NOC4L: variants seen among roughly 807,000 people sequenced by gnomAD.
NOC4L encodes nucleolar complex associated 4 homolog.
In NOC4L, 40 loss-of-function variants were observed where a neutral mutation model predicts 62.8. That is an observed-to-expected ratio of 0.64 (90% CI 0.49 to 0.83). The LOEUF is 0.83. NOC4L is among the 40% of genes least tolerant of loss of function. The pLI is 0.00. For synonymous variants in NOC4L, 433 were observed against 299.8 expected (o/e 1.44, Z -4.59); for missense variants, 927 against 701.9 (o/e 1.32, Z -3.62).
chr12:132,149,115 GGTGAGTGCCGCCGCCTCA>G, intron 9 of NOC4L, among the ~76,000 whole-genome samples: 5 of 39,298 alleles, frequency 1.3e-4, no homozygotes, highest in African/African-American at 3.6e-4. Flanking sequence ...TAATCCCCTC[GGTGAGTGCCGCCGCCTCA>G]CTCCTACCAC....
chr12:132,145,746 C>T (rs1039286518), intron 3 of NOC4L, 81 bp downstream of exon 3: 11 of 975,148 alleles, frequency 1.1e-5, no homozygotes, highest in Admixed American at 4.4e-5. Context: ...AGGTCTGGGG[C>T]TCCCACAATT....
At chr12:132,147,497 G>A in intron 4 of NOC4L, 109 bp downstream of exon 4, 1 of 1,454,304 alleles carries the variant, frequency 6.9e-7, no homozygotes, top group Non-Finnish European at 9.3e-7. Flanking sequence ...TGTTGGCTGG[G>A]ACACTCCTGT....
chr12:132,151,805 C>T lies in NOC4L; in HGVS notation c.1302C>T (p.Ser434=), dbSNP rs577089169. Residue 434 remains serine, a synonymous_variant, in exon 13 of 15, where the codon TCC becomes TCT. Coordinates refer to ENST00000330579, the MANE Select transcript of NOC4L (RefSeq NM_024078.3). ...DPAQSRALES[S]LWELQALQRH... is the part of the protein sequence containing the mutation. ...CCCAGAGCCGGGCCTTGGAGAGCTC[C>T]CTGTGGGAGCTTCAGGTGAGGGCGC... 11 of 1,611,796 alleles carry T rather than the reference C, an allele frequency of 6.8e-6. No individual in the cohort carries two copies. Among genetic ancestry groups the T allele is most frequent in the Admixed American group, 6.7e-5 (4 of 59,982 alleles).
intron 7 of NOC4L, 28 bp downstream of exon 7, chr12:132,148,134 C>T (rs941562566): frequency 5.6e-6 from 9 of 1,611,918 alleles, no homozygotes; most frequent in Admixed American, 1.7e-5. Flanking sequence ...AGCCGGGCAC[C>T]CTCCCGGGTT....
rs1269246891 is a variant in NOC4L at position 132,147,293 on chromosome 12, A to G, written c.358A>G (p.Ser120Gly). Residue 120 changes from serine to glycine, a missense_variant, in exon 4 of 15, where the codon AGC (serine) becomes GGC (glycine). By Grantham distance (56) the Ser-to-Gly change is moderately conservative. Transcript: ENST00000330579. ...PSFQVKELALSALLKFVQLEG... is the reference protein window; with the variant it reads ...PSFQVKELALGALLKFVQLEG... ...GCCCCCTTCCCAGGAGCTGGCCCTC[A>G]GCGCACTCCTGAAGTTCGTGCAGCT... The G allele has an allele frequency of 2.6e-6, 4 of 1,556,286 alleles. No individual in the cohort carries two copies. The highest frequency in any genetic ancestry group is 1.7e-4 in the Middle Eastern group (1 of 5,952).
rs772358688 is a variant in NOC4L at position 132,151,327 on chromosome 12, C to T, written c.1032C>T (p.Arg344=). 30 of 1,611,532 alleles carry T rather than the reference C, an allele frequency of 1.9e-5. No individual in the cohort carries two copies. The Middle Eastern group carries it at 9.9e-4, about 53-fold the overall frequency. The change falls in exon 11 of 15, where the codon CGC becomes CGT. Residue 344 remains arginine, a synonymous_variant. Transcript: ENST00000330579. ...CCTCTGTCTTTCACGTCAAGTACCG[C>T]GCCCGCTTCTTCCACCTGGCTGACC... ...LDPSVFHVKY[R]ARFFHLADLF...
intron 10 of NOC4L, 32 bp downstream of exon 10, chr12:132,151,073 C>A: frequency 6.3e-7 from 1 of 1,581,118 alleles, no homozygotes; most frequent in South Asian, 1.1e-5. Context: ...GGTCTTCTTC[C>A]CAGTCTGCCC....
At position 132,148,879 on chromosome 12, in the gene NOC4L, C is replaced by G. The variant is rs779685565; in HGVS notation, c.885C>G (p.Thr295=). The G allele has an allele frequency of 1.9e-6, 3 of 1,596,404 alleles. No homozygotes were observed. The highest frequency in any genetic ancestry group is 2.5e-6 in the Non-Finnish European group (3 of 1,177,520). The change falls in exon 9 of 15, where the codon ACC becomes ACG. Residue 295 remains threonine, a synonymous_variant. Transcript: ENST00000330579. Reference sequence around the variant, plus strand: ...CCACGCTCATGATCGACTTCCTCACCCGCGCCTGCGACCTCGGTGAGTGCC... The same window carrying G: ...CCACGCTCATGATCGACTTCCTCACGCGCGCCTGCGACCTCGGTGAGTGCC... ...AQPTLMIDFL[T]RACDLGGALS... is the part of the protein sequence containing the mutation.
At chr12:132,147,837 G>C in intron 5 of NOC4L, 43 bp from the exon 6 acceptor site, 1 of 1,610,212 alleles carries the variant, frequency 6.2e-7, no homozygotes, top group Non-Finnish European at 8.5e-7. Context: ...AGGGAGGCAG[G>C]GACTGGGGGG....
At position 132,145,658 on chromosome 12, in the gene NOC4L, A is replaced by G. The variant is rs1897688290; in HGVS notation, c.338A>G (p.Gln113Arg). Residue 113 changes from glutamine (Q) to arginine (R), a missense_variant, in exon 3 of 15, where the codon CAG (glutamine) becomes CGG (arginine). Physicochemically the swap from Gln to Arg is conservative, Grantham distance 43. Coordinates refer to ENST00000330579, the MANE Select transcript of NOC4L (RefSeq NM_024078.3). ...LGELLGHPSF[Q>R]VKELALSALL... ...GAGCTCCTGGGCCACCCCTCCTTTC[A>G]GGTCAAGGTGGGTCATTGGGCTGGC... is the stretch of plus-strand genomic sequence containing the variant. The G allele has an allele frequency of 6.2e-7, 1 of 1,611,204 alleles. No homozygotes were observed. The highest frequency in any genetic ancestry group is 8.5e-7 in the Non-Finnish European group (1 of 1,178,024).
At chr12:132,148,938 C>G (rs538624872) in intron 9 of NOC4L, 43 bp downstream of exon 9, 2 of 480,566 alleles carry the variant, frequency 4.2e-6, no homozygotes, top group Middle Eastern at 4.8e-4. Context: ...CTAATCCCCT[C>G]GGTGAGTGCC....
At position 132,151,760 on chromosome 12, in the gene NOC4L, C is replaced by T. The variant is rs746625024; in HGVS notation, c.1257C>T (p.Asp419=). The change falls in exon 13 of 15, where the codon GAC becomes GAT. Residue 419 remains aspartate, a synonymous_variant. Coordinates refer to ENST00000330579, the MANE Select transcript of NOC4L (RefSeq NM_024078.3). ...HGPELDADPY[D]PGEEDPAQSR... is the part of the protein sequence containing the mutation. ...TAGAGTTGGACGCCGACCCCTACGA[C>T]CCTGGAGAGGAGGACCCAGCCCAGA... 1.2e-6 allele frequency: 2 copies of T among 1,612,416 alleles called. No individual in the cohort carries two copies. The highest frequency in any genetic ancestry group is 1.7e-6 in the Non-Finnish European group (2 of 1,179,834).
chr12:132,148,381 C>T (rs983035506), intron 7 of NOC4L, among the ~76,000 whole-genome samples: 6 of 152,218 alleles, frequency 3.9e-5, no homozygotes, highest in Admixed American at 3.9e-4. Context: ...CGCAGCCCCC[C>T]TCTTGGCCAT....
intron 4 of NOC4L, 82 bp from the exon 5 acceptor site, chr12:132,147,551 C>T: frequency 6.5e-7 from 1 of 1,543,862 alleles, no homozygotes; most frequent in Non-Finnish European, 8.7e-7. Flanking sequence ...GCCTGGGGGG[C>T]TCGATGGGGC....
At chr12:132,145,700 C>T (rs747832749) in intron 3 of NOC4L, 35 bp downstream of exon 3, 4 of 1,429,938 alleles carry the variant, frequency 2.8e-6, no homozygotes, top group South Asian at 2.3e-5. Context: ...CTTGTCCATC[C>T]CCTGCACCCC....
chr12:132,151,965 C>A (rs1872998233), intron 13 of NOC4L, 119 bp from the exon 14 acceptor site: 3 of 1,241,138 alleles, frequency 2.4e-6, no homozygotes, highest in Non-Finnish European at 2.2e-6. Flanking sequence ...GGTGCTTGGC[C>A]TTCTCACGTG....
chr12:132,147,653 G>C lies in NOC4L; in HGVS notation c.474G>C (p.Leu158=), dbSNP rs568405731. The C allele has an allele frequency of 1.3e-4, 202 of 1,612,880 alleles. 2 individuals carry two copies. The South Asian group carries it at 1.9e-3, about 16-fold the overall frequency. Residue 158 remains leucine (L), a synonymous_variant, in exon 5 of 15, where the codon CTG becomes CTC. Coordinates refer to ENST00000330579, the MANE Select transcript of NOC4L (RefSeq NM_024078.3). ...CCTAGTTGGTGGTGGGAGGCCTGCT[G>C]TCTCCTGAGGAGGACCAGAGCCTGC... The part of the protein sequence containing the change: ...ELFKLVVGGL[L]SPEEDQSLLL...
chr12:132,151,940 G>T (rs1294868933), intron 13 of NOC4L, 120 bp downstream of exon 13: 5 of 1,253,390 alleles, frequency 4.0e-6, no homozygotes, highest in Non-Finnish European at 4.5e-6. Context: ...TGGCCACCTG[G>T]GTTTGTGGGT....
At position 132,152,094 on chromosome 12, in the gene NOC4L, G is replaced by C; in HGVS notation, c.1328G>C (p.Arg443Pro). Residue 443 changes from arginine (R) to proline (P), a missense_variant, in exon 14 of 15, where the codon CGC becomes CCC. Physicochemically the swap from Arg to Pro is moderately radical, Grantham distance 103. Transcript: ENST00000330579. ...GCCCTACTGCCCCAGGCCCTCCAGC[G>C]CCACTACCACCCTGAGGTGTCCAAA... ...SSLWELQALQRHYHPEVSKAA... is the reference protein window; with the variant it reads ...SSLWELQALQPHYHPEVSKAA... 6.3e-7 allele frequency: 1 copy of C among 1,587,936 alleles called. No individual in the cohort carries two copies. Among genetic ancestry groups the C allele is most frequent in the Non-Finnish European group, 8.6e-7 (1 of 1,165,848 alleles).
Sources: allele counts gnomAD v4.1 joint callset (sites outside exome capture counted in the v4.1 genomes callset), GRCh38; gene constraint gnomAD v4.1.1; transcripts MANE v1.5; gene names NCBI Gene and HGNC (gene_info 2026-07-23, HGNC 2026-07-21).